The following FGFR2 variants were observed in gnomAD, a reference collection of about 807,000 sequenced individuals.
FGFR2 encodes fibroblast growth factor receptor 2, also known as BEK fibroblast growth factor receptor.
FGFR2 carries 19 observed loss-of-function variants against 95.9 expected under a neutral mutation model. The observed-to-expected ratio is 0.20, with a 90% CI of 0.14 to 0.29. The LOEUF is 0.29. Ranked by LOEUF, FGFR2 falls within the 10% of genes least tolerant of loss-of-function variation. The pLI is 1.00. For missense variants in FGFR2, 707 were observed against 1,056.9 expected (o/e 0.67, Z 4.59); for synonymous variants, 392 against 393.3 (o/e 1.00, Z 0.04).
intron 2 of FGFR2, among the ~76,000 whole-genome samples, chr10:121,580,085 C>T (rs1860593147): frequency 6.6e-6 from 1 of 152,198 alleles, no homozygotes; most frequent in South Asian, 2.1e-4. Flanking sequence ...ACATTTTCCC[C>T]CAAGCCCATA....
Position 121,598,144 on chromosome 10 carries a change from GGCATGACGCCC to G in FGFR2, c.-344_-334del. The G allele has an allele frequency of 2.5e-6, 1 of 398,392 alleles. No homozygotes were observed. Among genetic ancestry groups the G allele is most frequent in the South Asian group, 1.3e-4 (1 of 7,864 alleles). The allele number at this position is 398,392 out of a possible 1,614,324, so 24.7% of individuals were successfully genotyped here. On this transcript the variant is annotated 5_prime_UTR_variant, in exon 1 of 18. It removes an upstream start codon present in the reference 5' UTR. Coordinates refer to ENST00000358487, the MANE Select transcript of FGFR2 (RefSeq NM_000141.5). ...GTACCCCAGGCTGCGGAGGAGCGCGGGCATGACGCCCGCGGGCTGCCCTCGGATTTGGGGAA... is the reference window on the plus strand; with the variant it reads ...GTACCCCAGGCTGCGGAGGAGCGCGGGCGGGCTGCCCTCGGATTTGGGGAA...
At chr10:121,543,731 T>C (rs1394034559) in intron 5 of FGFR2, among the ~76,000 whole-genome samples, 1 of 152,126 alleles carries the variant, frequency 6.6e-6, no homozygotes, top group African/African-American at 2.4e-5. Context: ...TACAAGAAGT[T>C]TGCTTTTCAG....
intron 17 of FGFR2, chr10:121,480,289 C>A (rs1428818100): frequency 3.9e-6 from 2 of 515,384 alleles, no homozygotes; most frequent in African/African-American, 3.8e-5. Context: ...CTTAGCTTTT[C>A]TCTTGGAATC....
At chr10:121,491,597 G>A (rs185466497) in intron 13 of FGFR2, among the ~76,000 whole-genome samples, 19 of 152,256 alleles carry the variant, frequency 1.2e-4, no homozygotes, top group Middle Eastern at 3.4e-3. Flanking sequence ...CAGGCTGAGC[G>A]TGGTGGCTCA....
At chr10:121,492,869 G>C (rs768791415) in intron 13 of FGFR2, among the ~76,000 whole-genome samples, 1 of 152,116 alleles carries the variant, frequency 6.6e-6, no homozygotes, top group Non-Finnish European at 1.5e-5. Flanking sequence ...AGGCCACACT[G>C]GGGCACTAAA....
intron 5 of FGFR2, among the ~76,000 whole-genome samples, chr10:121,548,235 C>T (rs567705874): frequency 1.8e-4 from 20 of 110,734 alleles, no homozygotes; most frequent in Non-Finnish European, 2.9e-4. Flanking sequence ...GGCCCTCTGC[C>T]GCTTTTGGCC....
rs2135543577 is a variant in FGFR2 at position 121,597,983 on chromosome 10, G to A, written c.-172C>T. ...TTACCTTGAATGGCAACGCTCCTCC[G>A]CGACCTGTGTTGTCCCCGCGCCCCG... On this transcript the variant is annotated 5_prime_UTR_variant, in exon 1 of 18. Coordinates refer to ENST00000358487, the MANE Select transcript of FGFR2 (RefSeq NM_000141.5). 1 of 394,420 alleles carries A rather than the reference G, an allele frequency of 2.5e-6. No individual in the cohort carries two copies. The highest frequency in any genetic ancestry group is 4.5e-6 in the Non-Finnish European group (1 of 223,358). The allele number at this position is 394,420 out of a possible 1,614,324, so 24.4% of individuals were successfully genotyped here. A position where few individuals can be genotyped will look rare whatever the true frequency, so the allele number is the denominator to read the frequency against.
intron 5 of FGFR2, among the ~76,000 whole-genome samples, chr10:121,547,823 G>A (rs906037354): frequency 6.6e-6 from 1 of 152,176 alleles, no homozygotes; most frequent in East Asian, 1.9e-4. Context: ...GCAAACGCAG[G>A]CCATAGCCAG....
At chr10:121,499,239 C>T (rs549934718) in intron 11 of FGFR2, among the ~76,000 whole-genome samples, 32 of 152,274 alleles carry the variant, frequency 2.1e-4, no homozygotes, top group African/African-American at 5.3e-4. Context: ...TCCACATACG[C>T]GGGCTCGCAG....
chr10:121,548,823 C>A lies in FGFR2; in HGVS notation c.624+2467G>T, dbSNP rs186939837. On this transcript the variant is annotated intron_variant, in intron 5 of 17. Coordinates refer to ENST00000358487, the MANE Select transcript of FGFR2 (RefSeq NM_000141.5). ...TGGTGGTTAAAAACAATCCCAGGGG[C>A]CGTGATTTTAGTGGCTTAACTCTTC... Among the ~76,000 whole-genome samples the A allele has an allele frequency of 6.2e-4, 94 of 152,256 alleles. 1 individual carries two copies. The Middle Eastern group carries it at 0.02, about 33-fold the overall frequency.
Position 121,479,488 on chromosome 10 carries a change from T to C in FGFR2, c.*369A>G. Reference sequence around the variant, plus strand: ...TTACATACATCCAGCACCTATATACTGCATTTGTGCTCTGTAAGTGTGTGC... The same window carrying C: ...TTACATACATCCAGCACCTATATACCGCATTTGTGCTCTGTAAGTGTGTGC... On this transcript the variant is annotated 3_prime_UTR_variant, in exon 18 of 18. Transcript: ENST00000358487. 4.6e-6 allele frequency: 4 copies of C among 869,096 alleles called. No homozygotes were observed. Among genetic ancestry groups the C allele is most frequent in the Non-Finnish European group, 7.1e-6 (4 of 566,088 alleles). 53.8% of individuals were successfully genotyped at this position (869,096 alleles called of 1,614,324 possible). A position where few individuals can be genotyped will look rare whatever the true frequency, so the allele number is the denominator to read the frequency against.
At chr10:121,510,216 G>A (rs530027740) in intron 9 of FGFR2, among the ~76,000 whole-genome samples, 91 of 152,252 alleles carry the variant, frequency 6.0e-4, no homozygotes, top group Admixed American at 2.1e-3. Context: ...TCTGCCTCCC[G>A]CAGGCCTTTC....
intron 5 of FGFR2, among the ~76,000 whole-genome samples, chr10:121,548,345 G>C (rs1180517571): frequency 7.2e-6 from 1 of 138,848 alleles, no homozygotes; most frequent in Non-Finnish European, 1.5e-5. Flanking sequence ...TTTCCCTCCA[G>C]AAACGGCTCA....
intron 2 of FGFR2, among the ~76,000 whole-genome samples, chr10:121,579,526 A>T (rs545721798): frequency 6.7e-6 from 1 of 149,098 alleles, no homozygotes; most frequent in Non-Finnish European, 1.5e-5. Flanking sequence ...ATTTTGTGAG[A>T]TTCATCATTA....
chr10:121,520,435 T>C (rs41295545), intron 6 of FGFR2, among the ~76,000 whole-genome samples: 1 of 152,214 alleles, frequency 6.6e-6, no homozygotes, highest in Non-Finnish European at 1.5e-5. Flanking sequence ...GGCTGTCCAC[T>C]GCCACCTGAT....
Position 121,515,135 on chromosome 10 carries a change from G to A in FGFR2, c.1269C>T (p.Pro423=), listed in dbSNP as rs2134220377. The A allele has an allele frequency of 6.2e-7, 1 of 1,614,180 alleles. No individual in the cohort carries two copies. The highest frequency in any genetic ancestry group is 1.1e-5 in the South Asian group (1 of 91,074). ...PAVHKLTKRI[P]LRRQVTVSAE... is the part of the protein sequence containing the mutation. ...TACTTTCTGTTACCTGTCTCCGCAG[G>A]GGGATACGTTTGGTCAGCTTGTGCA... The change falls in exon 9 of 18, where the codon CCC becomes CCT. Residue 423 remains proline (P), a synonymous_variant. Coordinates refer to ENST00000358487, the MANE Select transcript of FGFR2 (RefSeq NM_000141.5).
chr10:121,545,857 A>G (rs942386818), intron 5 of FGFR2, among the ~76,000 whole-genome samples: 5 of 152,290 alleles, frequency 3.3e-5, no homozygotes, highest in African/African-American at 1.2e-4. Flanking sequence ...TACTTGGTTC[A>G]TGCTCAATAA....
intron 9 of FGFR2, among the ~76,000 whole-genome samples, chr10:121,507,276 G>T (rs1161611970): frequency 6.6e-6 from 1 of 152,144 alleles, no homozygotes. Context: ...TCTAGACCTG[G>T]GTTTCCTCAT....
At chr10:121,528,866 A>G (rs1851728192) in intron 6 of FGFR2, among the ~76,000 whole-genome samples, 2 of 152,060 alleles carry the variant, frequency 1.3e-5, no homozygotes, top group African/African-American at 2.4e-5. Context: ...GTCCCTCCCT[A>G]TGAACACTCG....
Sources: allele counts gnomAD v4.1 joint callset (sites outside exome capture counted in the v4.1 genomes callset), GRCh38; gene constraint gnomAD v4.1.1; transcripts MANE v1.5; gene names NCBI Gene and HGNC (gene_info 2026-07-23, HGNC 2026-07-21).